The following LYPD8 variants were observed in gnomAD, a reference collection of about 807,000 sequenced individuals.
LYPD8 encodes ly6/PLAUR domain-containing protein 8.
In LYPD8, 8 loss-of-function variants were observed where a neutral mutation model predicts 1.7. That is an observed-to-expected ratio of 4.58 (90% CI 2.69 to 8.27). The LOEUF is 8.27. Among genes scored for constraint, LYPD8 ranks in the 30% most tolerant of loss-of-function variants. LYPD8 has a pLI of 0.00. For missense variants in LYPD8, 112 were observed against 102.3 expected (o/e 1.09, Z -0.41); for synonymous variants, 50 against 43.6 (o/e 1.15, Z -0.58).
intron 2 of LYPD8, among the ~76,000 whole-genome samples, chr1:248,753,529 A>G (rs1217211839): frequency 1.3e-4 from 16 of 121,252 alleles, no homozygotes; most frequent in African/African-American, 5.2e-4. Flanking sequence ...CACACCCCAC[A>G]CAACACACCA....
At chr1:248,753,022 A>C (rs1473833230) in intron 2 of LYPD8, among the ~76,000 whole-genome samples, 2 of 100,930 alleles carry the variant, frequency 2.0e-5, no homozygotes, top group Non-Finnish European at 3.9e-5. Flanking sequence ...TACACACACC[A>C]CACACCCCAC....
intron 2 of LYPD8, among the ~76,000 whole-genome samples, chr1:248,754,618 A>G (rs1269573800): frequency 1.3e-5 from 2 of 151,906 alleles, no homozygotes; most frequent in African/African-American, 4.8e-5. Flanking sequence ...TATACACAAT[A>G]CACAAACCAC....
intron 2 of LYPD8, among the ~76,000 whole-genome samples, chr1:248,753,503 CACA>C (rs1662867903): frequency 1.7e-5 from 2 of 117,540 alleles, no homozygotes; most frequent in South Asian, 5.6e-4. Flanking sequence ...CAACACACAA[CACA>C]ACACACACAT....
intron 2 of LYPD8, among the ~76,000 whole-genome samples, chr1:248,751,504 C>T (rs1662802285): frequency 6.6e-6 from 1 of 152,118 alleles, no homozygotes; most frequent in South Asian, 2.1e-4. Context: ...AATGTCCCTC[C>T]TTCAGCCAGT....
chr1:248,743,181 G>A (rs1410498465), intron 6 of LYPD8, among the ~76,000 whole-genome samples: 3 of 152,084 alleles, frequency 2.0e-5, no homozygotes, highest in Non-Finnish European at 2.9e-5. Flanking sequence ...AAAGAGGTTC[G>A]GGGCTGGGTG....
intron 2 of LYPD8, among the ~76,000 whole-genome samples, chr1:248,753,256 CACCGCAT>C (rs1662856654): frequency 9.4e-6 from 1 of 105,972 alleles, no homozygotes; most frequent in African/African-American, 4.2e-5. Context: ...ACACAACACA[CACCGCAT>C]CACACACACA....
At chr1:248,753,491 CACA>C (rs1182023454) in intron 2 of LYPD8, among the ~76,000 whole-genome samples, 1 of 117,924 alleles carries the variant, frequency 8.5e-6, no homozygotes, top group African/African-American at 3.6e-5. Flanking sequence ...ACACACATCA[CACA>C]ACACACAACA....
At chr1:248,751,374 C>G (rs1662799454) in intron 2 of LYPD8, among the ~76,000 whole-genome samples, 1 of 152,196 alleles carries the variant, frequency 6.6e-6, no homozygotes, top group Admixed American at 6.5e-5. Context: ...GGCCATTTCC[C>G]GTGGAGCCAA....
intron 6 of LYPD8, among the ~76,000 whole-genome samples, chr1:248,740,714 G>A (rs1553283236): frequency 6.6e-6 from 1 of 151,022 alleles, no homozygotes. Flanking sequence ...CTAGGACCAG[G>A]CATGAAGCAG....
intron 5 of LYPD8, among the ~76,000 whole-genome samples, chr1:248,746,654 C>T (rs1430082010): frequency 1.2e-4 from 10 of 86,052 alleles, no homozygotes; most frequent in African/African-American, 2.9e-4. Context: ...ATCGCCCGCA[C>T]GGCCAGCACC....
rs1299989846 is a variant in LYPD8, at chr1:248,751,239, CAGAA to C, written c.-49-113_-49-110del. 4.4e-4 allele frequency: 175 copies of C among 395,460 alleles called. 1 individual carries two copies. Among genetic ancestry groups the C allele is most frequent in the African/African-American group, 2.9e-3 (142 of 48,670 alleles). 24.5% of individuals were successfully genotyped at this position (395,460 alleles called of 1,614,324 possible). A position where few individuals can be genotyped will look rare whatever the true frequency, so the allele number is the denominator to read the frequency against. Reference sequence around the variant, plus strand: ...CCCAGTACTCAGTCCATCCTTGTGACAGAAAGAATCAAAATCCTGAGCTGGGAGC... The same window carrying C: ...CCCAGTACTCAGTCCATCCTTGTGACAGAATCAAAATCCTGAGCTGGGAGC... On this transcript the variant is annotated intron_variant, in intron 2 of 6. Transcript: ENST00000590317.
At chr1:248,752,934 ACACAC>A (rs1271599436) in intron 2 of LYPD8, among the ~76,000 whole-genome samples, 16 of 123,004 alleles carry the variant, frequency 1.3e-4, no homozygotes, top group African/African-American at 4.9e-4. Flanking sequence ...CACATCACAC[ACACAC>A]CACATCACAC....
intron 4 of LYPD8, 95 bp downstream of exon 4, chr1:248,750,429 C>T: frequency 5.0e-6 from 2 of 397,312 alleles, no homozygotes; most frequent in Admixed American, 8.8e-5. Flanking sequence ...ACAGCACGAC[C>T]CCTTCTCTGC....
At position 248,743,538 on chromosome 1, in the gene LYPD8, A is replaced by G. The variant is rs190781277; in HGVS notation, c.475+1604T>C. On this transcript the variant is annotated intron_variant, in intron 6 of 6. Coordinates refer to ENST00000590317, the MANE Select transcript of LYPD8 (RefSeq NM_001085474.2). Reference sequence around the variant, plus strand: ...GGTGCTTGACGCCGCTGAAAAATCCATGATTACAGTTAAACACTGATTCAT... The same window carrying G: ...GGTGCTTGACGCCGCTGAAAAATCCGTGATTACAGTTAAACACTGATTCAT... 2.1e-3 allele frequency among the ~76,000 whole-genome samples: 313 copies of G among 152,356 alleles called. 1 individual carries two copies. Among genetic ancestry groups the G allele is most frequent in the African/African-American group, 7.2e-3 (300 of 41,574 alleles).
In LYPD8 at chr1:248,743,035, T is replaced by C. The variant is rs113761821; in HGVS notation, c.475+2107A>G. On this transcript the variant is annotated intron_variant, in intron 6 of 6. Coordinates refer to ENST00000590317, the MANE Select transcript of LYPD8 (RefSeq NM_001085474.2). ...GGATGTTGGCAGCCGGGGGAGGTTA[T>C]GCTCTGGTGGGGATGTTGGCAGCGG... Among the ~76,000 whole-genome samples, 64 of 134,386 alleles carry C rather than the reference T, an allele frequency of 4.8e-4. 1 individual carries two copies. The highest frequency in any genetic ancestry group is 1.3e-3 in the African/African-American group (42 of 33,424). The allele number at this position is 134,386 out of a possible 152,430, so 88.2% of individuals were successfully genotyped here. A position where few individuals can be genotyped will look rare whatever the true frequency, so the allele number is the denominator to read the frequency against.
intron 4 of LYPD8, among the ~76,000 whole-genome samples, chr1:248,750,312 C>G (rs1313722804): frequency 2.6e-5 from 4 of 152,192 alleles, no homozygotes; most frequent in African/African-American, 9.7e-5. Context: ...CCAAACACCA[C>G]GAGGGGCTCC....
chr1:248,753,274 CCACACAA>C (rs1662857969), intron 2 of LYPD8, among the ~76,000 whole-genome samples: 23 of 103,922 alleles, frequency 2.2e-4, no homozygotes, highest in African/African-American at 8.9e-4. Flanking sequence ...CACACACACA[CCACACAA>C]CACACACACA....
chr1:248,750,988 G>T, intron 3 of LYPD8, 42 bp downstream of exon 3: 1 of 398,648 alleles, frequency 2.5e-6, no homozygotes, highest in Non-Finnish European at 4.4e-6. Flanking sequence ...AGGTGGAAAA[G>T]GGGGTCTCCA....
intron 6 of LYPD8, among the ~76,000 whole-genome samples, chr1:248,741,253 C>T (rs1358078690): frequency 1.3e-5 from 2 of 152,246 alleles, no homozygotes; most frequent in African/African-American, 4.8e-5. Context: ...GTCATCCAGG[C>T]TGGAGTGCAG....
Sources: allele counts gnomAD v4.1 joint callset (sites outside exome capture counted in the v4.1 genomes callset), GRCh38; gene constraint gnomAD v4.1.1; transcripts MANE v1.5; gene names NCBI Gene and HGNC (gene_info 2026-07-23, HGNC 2026-07-21).